Variants in OSBP2 observed in about 807,000 individuals in gnomAD.
The protein encoded by OSBP2 is oxysterol binding protein 2, also known as oxysterol-binding protein 2.
A neutral mutation model predicts 96.0 loss-of-function variants in OSBP2; 66 were observed. The observed-to-expected ratio is 0.69, with a 90% confidence interval of 0.56 to 0.84. The LOEUF (loss-of-function observed/expected upper bound fraction) is 0.84. Among genes scored for constraint, OSBP2 ranks in the 40% least tolerant of loss-of-function variants. OSBP2 has a pLI of 0.00. For missense variants in OSBP2, 1,038 were observed against 1,222.7 expected, an observed-to-expected ratio of 0.85 and a Z score of 2.25; for synonymous variants, 525 against 520.9, an observed-to-expected ratio of 1.01 and a Z score of -0.11.
At chr22:30,780,194 G>A (rs1417118798) in intron 2 of OSBP2, among the ~76,000 whole-genome samples, 6 of 152,232 alleles carry the variant, frequency 3.9e-5, no homozygotes, top group African/African-American at 7.2e-5. Flanking sequence ...TGAAAACCAC[G>A]AGTTGCCTCG....
chr22:30,737,776 G>A (rs1425703368), intron 1 of OSBP2, among the ~76,000 whole-genome samples: 2 of 151,168 alleles, frequency 1.3e-5, no homozygotes, highest in African/African-American at 2.4e-5. Flanking sequence ...GCAGTGGCAC[G>A]ATCTCGGCTC....
intron 2 of OSBP2, among the ~76,000 whole-genome samples, chr22:30,856,746 A>G (rs2047335426): frequency 6.6e-6 from 1 of 151,848 alleles, no homozygotes; most frequent in Non-Finnish European, 1.5e-5. Flanking sequence ...AAATACCATC[A>G]CATCTTGGAA....
At chr22:30,698,057 A>G (rs2089082420) in intron 1 of OSBP2, among the ~76,000 whole-genome samples, 1 of 152,148 alleles carries the variant, frequency 6.6e-6, no homozygotes, top group Admixed American at 6.6e-5. Flanking sequence ...TTCCCCTTCT[A>G]GAACAGGCCA....
intron 2 of OSBP2, among the ~76,000 whole-genome samples, chr22:30,867,992 G>A (rs143730088): frequency 2.0e-4 from 30 of 152,368 alleles, no homozygotes; most frequent in Non-Finnish European, 3.4e-4. Context: ...AGGGACAGGT[G>A]GTAAGAGCAC....
At chr22:30,728,878 C>G (rs2089697973) in intron 1 of OSBP2, among the ~76,000 whole-genome samples, 1 of 152,126 alleles carries the variant, frequency 6.6e-6, no homozygotes, top group Non-Finnish European at 1.5e-5. Flanking sequence ...ATGGATAAAC[C>G]ACCATTTGTC....
chr22:30,761,232 A>G (rs2090201149), intron 2 of OSBP2, among the ~76,000 whole-genome samples: 1 of 152,216 alleles, frequency 6.6e-6, no homozygotes, highest in Non-Finnish European at 1.5e-5. Context: ...CTACAAAAAT[A>G]TTTTTAGAGT....
At chr22:30,811,212 A>C (rs981157481) in intron 2 of OSBP2, among the ~76,000 whole-genome samples, 1 of 147,800 alleles carries the variant, frequency 6.8e-6, no homozygotes, top group Non-Finnish European at 1.5e-5. Context: ...TACTGTACAT[A>C]CTGATCAAGA....
chr22:30,837,274 AAAAAG>A (rs1279640221), intron 2 of OSBP2, among the ~76,000 whole-genome samples: 7 of 152,046 alleles, frequency 4.6e-5, no homozygotes, highest in South Asian at 2.1e-4. Flanking sequence ...AAAAAAAAAA[AAAAAG>A]AAAGAAAGTT....
intron 2 of OSBP2, among the ~76,000 whole-genome samples, chr22:30,855,147 G>A (rs2039055653): frequency 6.6e-6 from 1 of 152,158 alleles, no homozygotes; most frequent in Non-Finnish European, 1.5e-5. Context: ...CATATGAGTA[G>A]GTCAAGTGAC....
At chr22:30,894,091 G>A in intron 12 of OSBP2, 90 bp downstream of exon 12, 2 of 1,160,520 alleles carry the variant, frequency 1.7e-6, no homozygotes, top group Non-Finnish European at 2.4e-6. Context: ...CAGGAGGTCG[G>A]GAGGGTTCAG....
At chr22:30,885,180 C>T (rs531165011) in intron 3 of OSBP2, among the ~76,000 whole-genome samples, 7 of 152,186 alleles carry the variant, frequency 4.6e-5, no homozygotes, top group African/African-American at 1.7e-4. Context: ...GTGGGACAGC[C>T]TGTGATGTGC....
chr22:30,733,718 A>G (rs2089813268), intron 1 of OSBP2, among the ~76,000 whole-genome samples: 1 of 152,118 alleles, frequency 6.6e-6, no homozygotes, highest in Non-Finnish European at 1.5e-5. Flanking sequence ...CATGGCCTAA[A>G]AAGCAATGCA....
At chr22:30,872,950 C>T (rs567305541) in intron 3 of OSBP2, among the ~76,000 whole-genome samples, 1 of 152,334 alleles carries the variant, frequency 6.6e-6, no homozygotes, top group South Asian at 2.1e-4. Context: ...CATTCCCACC[C>T]TTGGCCAGGC....
At chr22:30,730,764 CT>C (rs1462237458) in intron 1 of OSBP2, among the ~76,000 whole-genome samples, 5 of 38,216 alleles carry the variant, frequency 1.3e-4, no homozygotes, top group Admixed American at 7.4e-4. Context: ...CTCTCTCTCT[CT>C]CTCTCTCTCT....
At chr22:30,803,803 G>A (rs1385205373) in intron 2 of OSBP2, among the ~76,000 whole-genome samples, 1 of 139,364 alleles carries the variant, frequency 7.2e-6, no homozygotes, top group East Asian at 1.9e-4. Context: ...GCCTGCCAGT[G>A]GGGTGTGTGT....
intron 3 of OSBP2, among the ~76,000 whole-genome samples, chr22:30,883,301 C>G (rs1246737216): frequency 6.6e-6 from 1 of 152,234 alleles, no homozygotes; most frequent in Admixed American, 6.5e-5. Flanking sequence ...CTAGACAGAC[C>G]TGGGATCCCA....
At chr22:30,807,723 G>A (rs1043641589) in intron 2 of OSBP2, among the ~76,000 whole-genome samples, 3 of 152,126 alleles carry the variant, frequency 2.0e-5, no homozygotes, top group Non-Finnish European at 4.4e-5. Context: ...AGCTTCCTGA[G>A]TTTTCTTTCC....
chr22:30,867,043 T>C (rs1482781353), intron 2 of OSBP2, among the ~76,000 whole-genome samples: 1 of 152,166 alleles, frequency 6.6e-6, no homozygotes, highest in Non-Finnish European at 1.5e-5. Flanking sequence ...CCACCTTCCC[T>C]TGAGGGGTGG....
chr22:30,758,944 C>T (rs1214526893), intron 2 of OSBP2, among the ~76,000 whole-genome samples: 3 of 152,162 alleles, frequency 2.0e-5, no homozygotes, highest in African/African-American at 4.8e-5. Context: ...ACGTTCAAGC[C>T]GCACATGGAT....
Sources: allele counts gnomAD v4.1 joint callset (sites outside exome capture counted in the v4.1 genomes callset), GRCh38; gene constraint gnomAD v4.1.1; transcripts MANE v1.5; gene names NCBI Gene and HGNC (gene_info 2026-07-23, HGNC 2026-07-21).